CSMD3: variants seen among roughly 807,000 people sequenced by gnomAD.
CSMD3 encodes the protein CUB and Sushi multiple domains 3.
CSMD3 carries 177 observed loss-of-function variants against 435.2 expected under a neutral mutation model. The ratio of observed to expected loss-of-function variants is 0.41; its 90% CI spans 0.36 to 0.46. CSMD3 has a LOEUF of 0.46. Ranked by LOEUF, CSMD3 falls within the 20% of genes least tolerant of loss-of-function variation. The pLI is 0.34. For missense variants in CSMD3, 4,265 were observed against 4,504.6 expected, an observed-to-expected ratio of 0.95 and a Z score of 1.52; for synonymous variants, 1,656 against 1,520.5, an observed-to-expected ratio of 1.09 and a Z score of -2.07.
chr8:112,855,215 G>A (rs199686042), intron 11 of CSMD3, among the ~76,000 whole-genome samples: 1 of 152,042 alleles, frequency 6.6e-6, no homozygotes, highest in Non-Finnish European at 1.5e-5. Context: ...GTATCGGCTA[G>A]ACCAATATCC....
chr8:113,407,182 G>C (rs1005950878), intron 1 of CSMD3, among the ~76,000 whole-genome samples: 4 of 152,050 alleles, frequency 2.6e-5, no homozygotes, highest in Non-Finnish European at 4.4e-5. Flanking sequence ...AATCAATAAT[G>C]TTTTATATAA....
chr8:112,946,631 A>T (rs987605867), intron 9 of CSMD3, among the ~76,000 whole-genome samples: 1 of 151,788 alleles, frequency 6.6e-6, no homozygotes. Context: ...GTAAGATATA[A>T]CCATTAGTCA....
rs555432619 is a variant in CSMD3, at chr8:112,346,827, T to C, written c.6326-614A>G. Among the ~76,000 whole-genome samples the C allele has an allele frequency of 3.7e-3, 556 of 151,828 alleles. 4 individuals are homozygous for C. The highest frequency in any genetic ancestry group is 5.3e-3 in the Non-Finnish European group (363 of 67,914). The stretch of plus-strand genomic sequence containing the variant: ...CCGAGTAGCTGGGACTACAGGCGCC[T>C]GCCACCACGCCCGGCTAATTTTTTG... On this transcript the variant is annotated intron_variant, in intron 40 of 70. Coordinates refer to ENST00000297405, the MANE Select transcript of CSMD3 (RefSeq NM_198123.2).
At chr8:113,240,400 A>G (rs2093201021) in intron 3 of CSMD3, among the ~76,000 whole-genome samples, 2 of 152,100 alleles carry the variant, frequency 1.3e-5, no homozygotes, top group South Asian at 4.1e-4. Context: ...GTCAAATAGC[A>G]TTTCTGTCTC....
At chr8:113,161,350 T>C (rs1451562134) in intron 4 of CSMD3, among the ~76,000 whole-genome samples, 2 of 152,140 alleles carry the variant, frequency 1.3e-5, no homozygotes, top group Admixed American at 1.3e-4. Flanking sequence ...AGTGTAAAGT[T>C]TGGCAGGTTT....
intron 42 of CSMD3, 49 bp from the exon 43 acceptor site, chr8:112,337,780 C>G (rs2130968320): frequency 4.8e-6 from 7 of 1,463,690 alleles, no homozygotes; most frequent in Non-Finnish European, 6.6e-6. Context: ...ATTTCAGAGG[C>G]CACAGATAGG....
chr8:113,085,249 AC>A (rs61272986), intron 5 of CSMD3, among the ~76,000 whole-genome samples: 28,458 of 149,294 alleles, frequency 0.19, 2,807 homozygotes, highest in Middle Eastern at 0.24. Context: ...CCAAAAAAAA[AC>A]CACCCACAAA....
In CSMD3 at chr8:113,361,898, T is replaced by C. The variant is rs1025903087; in HGVS notation, c.179-47105A>G. Among the ~76,000 whole-genome samples the C allele has an allele frequency of 2.6e-5, 4 of 152,324 alleles. No individual in the cohort carries two copies. In the East Asian group the frequency reaches 7.7e-4, roughly 29 times the overall value. On this transcript the variant is annotated intron_variant, in intron 1 of 70. Coordinates refer to ENST00000297405, the MANE Select transcript of CSMD3 (RefSeq NM_198123.2). ...TAATATTTCATTGACCAATTTAGCT[T>C]ATACTCAATGTTATTTCCTATTTTG...
At chr8:112,669,011 A>ATAT (rs755813911) in intron 16 of CSMD3, among the ~76,000 whole-genome samples, 32 of 151,664 alleles carry the variant, frequency 2.1e-4, no homozygotes, top group South Asian at 8.3e-4. Flanking sequence ...AAACCTAAAA[A>ATAT]TATTATTATT....
At chr8:113,376,587 G>T in intron 1 of CSMD3, 1 of 749,342 alleles carries the variant, frequency 1.3e-6, no homozygotes, top group Non-Finnish European at 2.2e-6. Flanking sequence ...TAAAAAAATT[G>T]ATATCCAATT....
intron 5 of CSMD3, among the ~76,000 whole-genome samples, chr8:113,033,067 A>T (rs1214906904): frequency 6.6e-6 from 1 of 151,514 alleles, no homozygotes; most frequent in African/African-American, 2.4e-5. Context: ...ATTTCAGAGG[A>T]TGTATAGAAA....
chr8:112,611,105 T>G (rs1176049503), intron 22 of CSMD3, among the ~76,000 whole-genome samples: 1 of 152,212 alleles, frequency 6.6e-6, no homozygotes, highest in African/African-American at 2.4e-5. Flanking sequence ...AAAATCAGTA[T>G]GTGAACAATT....
At chr8:113,159,462 G>C (rs900706525) in intron 4 of CSMD3, among the ~76,000 whole-genome samples, 2 of 151,606 alleles carry the variant, frequency 1.3e-5, no homozygotes, top group African/African-American at 4.8e-5. Context: ...TTCAGAGTTG[G>C]GCCATTACAA....
chr8:112,502,044 G>C (rs1822019610), intron 30 of CSMD3, among the ~76,000 whole-genome samples: 1 of 152,072 alleles, frequency 6.6e-6, no homozygotes, highest in South Asian at 2.1e-4. Context: ...TCAGGATTAG[G>C]GGAATACTAG....
chr8:112,914,030 T>A (rs1053381438), intron 10 of CSMD3, among the ~76,000 whole-genome samples: 5 of 151,872 alleles, frequency 3.3e-5, no homozygotes, highest in African/African-American at 1.2e-4. Flanking sequence ...TCCCCTTACC[T>A]AATAATTACC....
chr8:112,972,067 CAT>C (rs1337160900), intron 7 of CSMD3, among the ~76,000 whole-genome samples: 2 of 151,792 alleles, frequency 1.3e-5, no homozygotes, highest in African/African-American at 4.8e-5. Flanking sequence ...TTAATTAACA[CAT>C]AGATTAGTCT....
intron 3 of CSMD3, among the ~76,000 whole-genome samples, chr8:113,265,098 C>T (rs1285084387): frequency 6.6e-6 from 1 of 151,538 alleles, no homozygotes; most frequent in African/African-American, 2.4e-5. Flanking sequence ...CGTGTCATAT[C>T]TGTCAAGTGC....
intron 32 of CSMD3, among the ~76,000 whole-genome samples, chr8:112,441,323 T>C (rs936709052): frequency 5.3e-5 from 8 of 152,136 alleles, no homozygotes; most frequent in Non-Finnish European, 8.8e-5. Flanking sequence ...CTGTCAGCGT[T>C]TTGGTCAAAG....
intron 22 of CSMD3, among the ~76,000 whole-genome samples, chr8:112,610,298 TTTTA>T (rs1330979262): frequency 3.9e-5 from 6 of 152,034 alleles, no homozygotes; most frequent in South Asian, 2.1e-4. Flanking sequence ...TACATGCAAG[TTTTA>T]TTTGTCAATT....
Sources: allele counts gnomAD v4.1 joint callset (sites outside exome capture counted in the v4.1 genomes callset), GRCh38; gene constraint gnomAD v4.1.1; transcripts MANE v1.5; gene names NCBI Gene and HGNC (gene_info 2026-07-23, HGNC 2026-07-21).